Variants in GRIN2B observed in about 807,000 individuals in gnomAD.
GRIN2B encodes the protein glutamate receptor ionotropic, NMDA 2B.
Under a neutral mutation model 114.5 loss-of-function variants are expected in GRIN2B, and 5 were observed. The ratio of observed to expected loss-of-function variants is 0.04; its 90% CI spans 0.02 to 0.09. The LOEUF is 0.09. Ranked by LOEUF, GRIN2B falls within the 10% of genes least tolerant of loss-of-function variation. GRIN2B has a pLI of 1.00. For synonymous variants in GRIN2B, 787 were observed against 745.1 expected (o/e 1.06, Z -0.92); for missense variants, 1,108 against 1,943.5 (o/e 0.57, Z 8.08).
At chr12:13,657,080 G>A (rs536398721) in intron 5 of GRIN2B, among the ~76,000 whole-genome samples, 34 of 152,302 alleles carry the variant, frequency 2.2e-4, no homozygotes, top group African/African-American at 7.5e-4. Context: ...GAGTAGGGAA[G>A]GAGAGCAGGA....
chr12:13,721,182 G>A (rs1197617640), intron 4 of GRIN2B, among the ~76,000 whole-genome samples: 1 of 152,000 alleles, frequency 6.6e-6, no homozygotes, highest in East Asian at 1.9e-4. Flanking sequence ...GAATCCTGAG[G>A]CAGGAAGAAG....
At chr12:13,576,318 CATT>C (rs1298352429) in intron 10 of GRIN2B, among the ~76,000 whole-genome samples, 1 of 152,042 alleles carries the variant, frequency 6.6e-6, no homozygotes, top group Admixed American at 6.5e-5. Flanking sequence ...AGCTGTAAGA[CATT>C]ATATGGCACT....
At chr12:13,881,517 G>A (rs1866072636) in intron 2 of GRIN2B, among the ~76,000 whole-genome samples, 1 of 152,186 alleles carries the variant, frequency 6.6e-6, no homozygotes, top group Non-Finnish European at 1.5e-5. Context: ...GAAAGGCCTG[G>A]TTTCACACTT....
At position 13,569,870 on chromosome 12, in the gene GRIN2B, C is replaced by T. The variant is rs768033260; in HGVS notation, c.2319G>A (p.Lys773=). ...GCAGGATAGCAAGGTCCACCTGGCG[C>T]TTCCACCCAGAATCTTTTTGGATGG... ...GIAIQKDSGW[K]RQVDLAILQL... The change falls in exon 12 of 14, where the codon AAG becomes AAA. Residue 773 remains lysine, a synonymous_variant. Transcript: ENST00000609686. 12 of 1,611,712 alleles carry T rather than the reference C, an allele frequency of 7.4e-6. No individual in the cohort carries two copies. The South Asian group carries it at 9.9e-5, about 13-fold the overall frequency.
chr12:13,947,603 C>T (rs1429660898), intron 2 of GRIN2B, among the ~76,000 whole-genome samples: 3 of 152,196 alleles, frequency 2.0e-5, no homozygotes, highest in Non-Finnish European at 2.9e-5. Context: ...GTTTCAACAT[C>T]CCCATGGGTG....
intron 2 of GRIN2B, among the ~76,000 whole-genome samples, chr12:13,878,089 T>C (rs1036127127): frequency 2.9e-5 from 4 of 138,552 alleles, no homozygotes; most frequent in Non-Finnish European, 4.7e-5. Context: ...AAAAAAAAAA[T>C]CTACTGTCTA....
At chr12:13,869,576 G>C (rs1865875419) in intron 2 of GRIN2B, among the ~76,000 whole-genome samples, 1 of 152,240 alleles carries the variant, frequency 6.6e-6, no homozygotes, top group Non-Finnish European at 1.5e-5. Flanking sequence ...CAAAAACATT[G>C]TAAGTCATAC....
chr12:13,806,999 CA>C (rs1040093421), intron 3 of GRIN2B, among the ~76,000 whole-genome samples: 205 of 143,710 alleles, frequency 1.4e-3, no homozygotes, highest in African/African-American at 1.9e-3. Flanking sequence ...GACTCCATCT[CA>C]AAAAAAAAAA....
chr12:13,963,181 TTCTC>T (rs754636686), intron 2 of GRIN2B, among the ~76,000 whole-genome samples: 85 of 152,156 alleles, frequency 5.6e-4, no homozygotes, highest in Non-Finnish European at 1.2e-3. Context: ...GCTCCTGCCA[TTCTC>T]TCTAATAACC....
chr12:13,643,510 G>A (rs1949738487), intron 5 of GRIN2B, among the ~76,000 whole-genome samples: 1 of 152,152 alleles, frequency 6.6e-6, no homozygotes, highest in African/African-American at 2.4e-5. Context: ...GCTGCTGACT[G>A]ATCAGGGTAG....
At chr12:13,802,594 G>T (rs991406458) in intron 3 of GRIN2B, among the ~76,000 whole-genome samples, 1 of 152,076 alleles carries the variant, frequency 6.6e-6, no homozygotes, top group African/African-American at 2.4e-5. Flanking sequence ...TGGTTAAATT[G>T]CAGAATTCCA....
intron 5 of GRIN2B, among the ~76,000 whole-genome samples, chr12:13,663,190 C>T (rs895815264): frequency 1.3e-5 from 2 of 152,136 alleles, no homozygotes; most frequent in African/African-American, 4.8e-5. Flanking sequence ...CCTCACCTAC[C>T]ATTTCACCGC....
chr12:13,858,762 G>T (rs75086860), intron 3 of GRIN2B, among the ~76,000 whole-genome samples: 1 of 152,002 alleles, frequency 6.6e-6, no homozygotes, highest in Admixed American at 6.6e-5. Context: ...ATCTTGACTT[G>T]TCTTTAATGC....
In GRIN2B at chr12:13,544,744, T is replaced by TA. The variant is rs1041032800; in HGVS notation, c.*18038dup. ...AGCAAACTGTGTGATATCGATTCTT[T>TA]AAAACATTTCTGGAATCCAACTGCT... On this transcript the variant is annotated 3_prime_UTR_variant, in exon 14 of 14. Transcript: ENST00000609686. 1.3e-5 allele frequency: 2 copies of TA among 152,240 alleles called. No individual in the cohort carries two copies. The highest frequency in any genetic ancestry group is 4.1e-4 in the South Asian group (2 of 4,830). The allele number at this position is 152,240 out of a possible 1,614,324, so 9.4% of individuals were successfully genotyped here.
Position 13,973,464 on chromosome 12 carries a change from T to G in GRIN2B, c.-19+6464A>C, listed in dbSNP as rs78328801. 5.1e-4 allele frequency among the ~76,000 whole-genome samples: 78 copies of G among 152,318 alleles called. No homozygotes were observed. The East Asian group carries it at 0.011, about 21-fold the overall frequency. ...TAGGAAGCTCCTCTACTACAGACTT[T>G]ACGCTCCCCATCAAGCTGGGCTCCA... On this transcript the variant is annotated intron_variant, in intron 2 of 13. Coordinates refer to ENST00000609686, the MANE Select transcript of GRIN2B (RefSeq NM_000834.5).
At chr12:13,893,350 G>T (rs1005060142) in intron 2 of GRIN2B, among the ~76,000 whole-genome samples, 2 of 151,964 alleles carry the variant, frequency 1.3e-5, no homozygotes, top group East Asian at 3.9e-4. Context: ...AGGGGAGGGG[G>T]TAGCAGAAAA....
At chr12:13,776,887 T>G (rs1214998711) in intron 3 of GRIN2B, among the ~76,000 whole-genome samples, 1 of 152,162 alleles carries the variant, frequency 6.6e-6, no homozygotes, top group Non-Finnish European at 1.5e-5. Context: ...TTTATAGCCT[T>G]TCATTTCCTA....
chr12:13,844,590 T>C (rs1483340964), intron 3 of GRIN2B, among the ~76,000 whole-genome samples: 1 of 152,176 alleles, frequency 6.6e-6, no homozygotes, highest in Non-Finnish European at 1.5e-5. Context: ...CAGTGTAGCT[T>C]ACATGGTTCT....
rs1429818973 is a variant in GRIN2B at position 13,537,852 on chromosome 12, C to G, written c.*24931G>C. The G allele has an allele frequency of 6.6e-6, 1 of 152,064 alleles. No individual in the cohort carries two copies. Among genetic ancestry groups the G allele is most frequent in the African/African-American group, 2.4e-5 (1 of 41,386 alleles). 9.4% of individuals were successfully genotyped at this position (152,064 alleles called of 1,614,324 possible). A position where few individuals can be genotyped will look rare whatever the true frequency, so the allele number is the denominator to read the frequency against. On this transcript the variant is annotated 3_prime_UTR_variant, in exon 14 of 14. Transcript: ENST00000609686. Reference sequence around the variant, plus strand: ...CCTTTGATGGGGAGGGCAGATAGACCAACATCTGGGTTTCAAGATAAGAAA... The same window carrying G: ...CCTTTGATGGGGAGGGCAGATAGACGAACATCTGGGTTTCAAGATAAGAAA...
Sources: allele counts gnomAD v4.1 joint callset (sites outside exome capture counted in the v4.1 genomes callset), GRCh38; gene constraint gnomAD v4.1.1; transcripts MANE v1.5; gene names NCBI Gene and HGNC (gene_info 2026-07-23, HGNC 2026-07-21).